The following PSEN2 variants were observed in gnomAD, a reference collection of about 807,000 sequenced individuals.
PSEN2 encodes the protein presenilin-2.
In PSEN2, 32 loss-of-function variants were observed where a neutral mutation model predicts 49.1. That is an observed-to-expected ratio of 0.65 (90% CI 0.49 to 0.88). The LOEUF is 0.88. PSEN2 is among the 40% of genes least tolerant of loss of function. The pLI, the probability that PSEN2 is intolerant of heterozygous loss-of-function variation, is 0.00. For missense variants in PSEN2, 522 were observed against 586.9 expected (o/e 0.89, Z 1.14); for synonymous variants, 255 against 244.0 (o/e 1.05, Z -0.42).
intron 2 of PSEN2, among the ~76,000 whole-genome samples, chr1:226,874,308 C>T (rs1245269983): frequency 6.6e-6 from 1 of 152,142 alleles, no homozygotes; most frequent in African/African-American, 2.4e-5. Flanking sequence ...AGTTTGGAGA[C>T]TTGAGTTGTA....
chr1:226,886,665 A>G (rs910180939), intron 6 of PSEN2, among the ~76,000 whole-genome samples: 3 of 152,228 alleles, frequency 2.0e-5, no homozygotes, highest in African/African-American at 7.2e-5. Flanking sequence ...GAGCAGGTAG[A>G]TAGAAGTGCA....
intron 2 of PSEN2, 76 bp downstream of exon 2, chr1:226,871,480 C>T (rs892333614): frequency 2.0e-5 from 3 of 152,226 alleles, no homozygotes; most frequent in Non-Finnish European, 2.9e-5. Flanking sequence ...CCGAGCAGAC[C>T]TCACCCCTGT....
chr1:226,888,352 A>C (rs1325932597), intron 7 of PSEN2, among the ~76,000 whole-genome samples, 194 bp downstream of exon 7: 1 of 152,162 alleles, frequency 6.6e-6, no homozygotes, highest in Non-Finnish European at 1.5e-5. Context: ...GTGGGGCTGC[A>C]TGGTGGACCA....
rs60232264 is a variant in PSEN2, at chr1:226,889,164, G to A, written c.787+115G>A. On this transcript the variant is annotated intron_variant, in intron 8 of 12. Coordinates refer to ENST00000366783, the MANE Select transcript of PSEN2 (RefSeq NM_000447.3). ...AGGGCTTGCATCCCTTTCTGCAGAG[G>A]CCTGGGTGGGATCCCTCCTGAGAGA... is the stretch of plus-strand genomic sequence containing the variant. 6.5e-3 allele frequency: 6,136 copies of A among 948,564 alleles called. 109 individuals carry two copies. The highest frequency in any genetic ancestry group is 0.039 in the African/African-American group (2,416 of 61,470). 58.8% of individuals were successfully genotyped at this position (948,564 alleles called of 1,614,324 possible).
intron 10 of PSEN2, 65 bp downstream of exon 10, chr1:226,891,426 T>A (rs148598799): frequency 1.4e-6 from 2 of 1,432,516 alleles, no homozygotes; most frequent in East Asian, 2.4e-5. Flanking sequence ...TGCACCCAGC[T>A]CTGCTCGGCC....
chr1:226,893,895 T>G, intron 11 of PSEN2, 112 bp from the exon 12 acceptor site: 5 of 878,720 alleles, frequency 5.7e-6, no homozygotes, highest in Admixed American at 1.7e-5. Flanking sequence ...AGAGGCCAGG[T>G]GGGGTGGGCT....
chr1:226,883,942 G>C, intron 5 of PSEN2, 23 bp downstream of exon 5: 1 of 1,323,528 alleles, frequency 7.6e-7, no homozygotes. Flanking sequence ...GCTGGGGGGA[G>C]CAGGGTGGGG....
At chr1:226,890,689 A>G (rs1222527648) in intron 9 of PSEN2, 2 of 196,476 alleles carry the variant, frequency 1.0e-5, no homozygotes, top group African/African-American at 4.7e-5. Flanking sequence ...CCCAGCAGGA[A>G]AGAAGACCAC....
intron 9 of PSEN2, chr1:226,890,728 C>A: frequency 5.2e-6 from 1 of 192,198 alleles, no homozygotes. Flanking sequence ...GAGCTCACGG[C>A]CCTGTGATTG....
intron 10 of PSEN2, 44 bp from the exon 11 acceptor site, chr1:226,891,699 C>T: frequency 2.0e-6 from 3 of 1,501,702 alleles, no homozygotes; most frequent in Non-Finnish European, 2.8e-6. Context: ...TTGTTGTCCC[C>T]TCCTCACGGT....
chr1:226,900,024 C>T (rs562656643), downstream of PSEN2, among the ~76,000 whole-genome samples: 130 of 152,230 alleles, frequency 8.5e-4, no homozygotes, highest in South Asian at 1.5e-3. Flanking sequence ...ATAAGGGATA[C>T]GTGGTTATGG....
intron 10 of PSEN2, 66 bp downstream of exon 10, chr1:226,891,427 C>G: frequency 7.1e-6 from 10 of 1,414,850 alleles, no homozygotes; most frequent in Non-Finnish European, 9.8e-6. Context: ...GCACCCAGCT[C>G]TGCTCGGCCT....
At chr1:226,901,010 G>A (rs1316297451), downstream of PSEN2, among the ~76,000 whole-genome samples, 1 of 152,156 alleles carries the variant, frequency 6.6e-6, no homozygotes, top group East Asian at 1.9e-4. Context: ...AATCAAGCAG[G>A]GAGTAGTTAG....
At chr1:226,887,940 C>A (rs1661474257) in intron 6 of PSEN2, 151 bp from the exon 7 acceptor site, 1 of 720,868 alleles carries the variant, frequency 1.4e-6, no homozygotes, top group African/African-American at 1.7e-5. Flanking sequence ...CCCTCTTTAT[C>A]TGTAAGGTGG....
intron 12 of PSEN2, among the ~76,000 whole-genome samples, chr1:226,895,143 CAG>C (rs1023097705): frequency 2.0e-5 from 3 of 152,208 alleles, no homozygotes; most frequent in African/African-American, 7.2e-5. Flanking sequence ...TCCAGCCAGA[CAG>C]GGGAGGCAGC....
downstream of PSEN2, among the ~76,000 whole-genome samples, chr1:226,897,274 G>A (rs1378741209): frequency 2.0e-5 from 3 of 152,200 alleles, no homozygotes; most frequent in Non-Finnish European, 4.4e-5. Context: ...GTTTTAGGGT[G>A]GGGTTTCCAA....
At chr1:226,889,208 A>AG (rs1661575389) in intron 8 of PSEN2, among the ~76,000 whole-genome samples, 159 bp downstream of exon 8, 1 of 151,554 alleles carries the variant, frequency 6.6e-6, no homozygotes, top group Non-Finnish European at 1.5e-5. Context: ...TGTAAAACAG[A>AG]GGGGGGTCCA....
At chr1:226,888,333 G>C (rs1350764100) in intron 7 of PSEN2, among the ~76,000 whole-genome samples, 175 bp downstream of exon 7, 2 of 152,146 alleles carry the variant, frequency 1.3e-5, no homozygotes, top group Non-Finnish European at 2.9e-5. Flanking sequence ...TTGACACAGG[G>C]GAGTGGAAGT....
chr1:226,900,278 C>T (rs941404415), downstream of PSEN2, among the ~76,000 whole-genome samples: 4 of 152,162 alleles, frequency 2.6e-5, no homozygotes, highest in Admixed American at 1.3e-4. Flanking sequence ...CTCTGCCCCC[C>T]ACCGCTGCCA....
Sources: gnomAD v4.1 joint callset for allele counts (sites outside exome capture counted in the v4.1 genomes callset) on GRCh38, gnomAD v4.1.1 for gene constraint, MANE v1.5 for transcripts, NCBI Gene and HGNC (gene_info 2026-07-23, HGNC 2026-07-21) for gene names.